The following PRRC2C variants were observed in gnomAD, a reference collection of about 807,000 sequenced individuals.
The protein encoded by PRRC2C is proline rich coiled-coil 2C, also known as protein PRRC2C.
A neutral mutation model predicts 317.2 loss-of-function variants in PRRC2C; 72 were observed. The ratio of observed to expected loss-of-function variants is 0.23; its 90% CI spans 0.19 to 0.28. The LOEUF (loss-of-function observed/expected upper bound fraction) is 0.28. Ranked by LOEUF, PRRC2C falls within the 10% of genes least tolerant of loss-of-function variation. The pLI, the probability that PRRC2C is intolerant of heterozygous loss-of-function variation, is 1.00. For missense variants in PRRC2C, 3,074 were observed against 3,459.7 expected (o/e 0.89, Z 2.80); for synonymous variants, 1,296 against 1,205.9 (o/e 1.07, Z -1.55).
At position 171,568,355 on chromosome 1, in the gene PRRC2C, G is replaced by C; in HGVS notation, c.6651+16G>C. The C allele has an allele frequency of 6.3e-7, 1 of 1,583,344 alleles. No homozygotes were observed. The highest frequency in any genetic ancestry group is 1.3e-5 in the African/African-American group (1 of 74,518). On this transcript the variant is annotated intron_variant, in intron 23 of 34. Coordinates refer to ENST00000647382, the MANE Select transcript of PRRC2C (RefSeq NM_001387844.1). ...GGTTAATAATGTAAGTAATCAGTTTGAGATGTGGCAAGTTTGGATTGGAAC... is the reference window on the plus strand; with the variant it reads ...GGTTAATAATGTAAGTAATCAGTTTCAGATGTGGCAAGTTTGGATTGGAAC...
At chr1:171,509,816 A>T in intron 1 of PRRC2C, 1 of 146,738 alleles carries the variant, frequency 6.8e-6, no homozygotes, top group South Asian at 2.2e-4. Flanking sequence ...TGGTTTCTCT[A>T]GAATCACATG....
rs1382861652 is a variant in PRRC2C, at chr1:171,541,805, G to T, written c.4339G>T (p.Ala1447Ser). The change falls in exon 16 of 35, where the codon GCT (alanine) becomes TCT (serine). Residue 1447 changes from alanine (A) to serine (S), a missense_variant. Physicochemically the swap from Ala to Ser is moderately conservative, Grantham distance 99. This residue lies in a region of PRRC2C where 1,320 missense variants were observed against 1,395.7 expected (regional missense o/e 0.95). Transcript: ENST00000647382. This position sits in a 1 kb window ranked among gnomAD's most constrained non-coding sequence, Gnocchi z 4.1. ...ATTTAGACGGCTAAGAGAGAGGGAG[G>T]CTGCTTCAAAATCAAATGAGGTGGT... ...PRFRRLREREAASKSNEVVAV... is the reference protein window; with the variant it reads ...PRFRRLRERESASKSNEVVAV... 3 of 1,613,924 alleles carry T rather than the reference G, an allele frequency of 1.9e-6. No homozygotes were observed. Among genetic ancestry groups the T allele is most frequent in the Non-Finnish European group, 2.5e-6 (3 of 1,179,876 alleles).
rs551223904 is a variant in PRRC2C at position 171,566,810 on chromosome 1, G to A, written c.6525G>A (p.Ser2175=). The change falls in exon 22 of 35, where the codon TCG becomes TCA. Residue 2175 remains serine (S), a synonymous_variant. Transcript: ENST00000647382. ...CTACTGAAATAGGAACAATGATCTCGGTATCATCTGCAGAATATGGTACTA... is the reference window on the plus strand; with the variant it reads ...CTACTGAAATAGGAACAATGATCTCAGTATCATCTGCAGAATATGGTACTA... The part of the protein sequence containing the change: ...EMSTEIGTMI[S]VSSAEYGTNA... 94 of 1,613,590 alleles carry A rather than the reference G, an allele frequency of 5.8e-5. No homozygotes were observed. The South Asian group carries it at 8.4e-4, about 14-fold the overall frequency.
chr1:171,568,471 G>GT, intron 23 of PRRC2C, 132 bp downstream of exon 23: 1 of 1,371,732 alleles, frequency 7.3e-7, no homozygotes. Flanking sequence ...GTAAATTTGT[G>GT]TTTAGGAGTA....
At chr1:171,486,349 T>C (rs1666101316) in intron 1 of PRRC2C, among the ~76,000 whole-genome samples, 1 of 151,926 alleles carries the variant, frequency 6.6e-6, no homozygotes, top group South Asian at 2.1e-4. Context: ...TGGGTAGTCT[T>C]TTCACACTCT....
At chr1:171,577,361 G>A in intron 25 of PRRC2C, 73 bp from the exon 26 acceptor site, 2 of 1,334,288 alleles carry the variant, frequency 1.5e-6, no homozygotes, top group African/African-American at 1.5e-5. Flanking sequence ...GCAGTTTCTG[G>A]TTGGTACTGT....
intron 28 of PRRC2C, among the ~76,000 whole-genome samples, chr1:171,582,117 T>C (rs1648754989): frequency 6.6e-6 from 1 of 152,212 alleles, no homozygotes; most frequent in African/African-American, 2.4e-5. Flanking sequence ...AGGCCATTTA[T>C]ATTAAAAATA....
intron 1 of PRRC2C, among the ~76,000 whole-genome samples, chr1:171,505,521 A>G (rs1670013339): frequency 6.6e-6 from 1 of 152,002 alleles, no homozygotes; most frequent in Non-Finnish European, 1.5e-5. Context: ...ATTACAGACA[A>G]TTTTACTTTA....
intron 25 of PRRC2C, among the ~76,000 whole-genome samples, chr1:171,576,693 G>T (rs560923711): frequency 2.0e-5 from 3 of 151,692 alleles, no homozygotes; most frequent in Admixed American, 1.3e-4. Flanking sequence ...GAGTTGTGTG[G>T]TTTTTTTTGT....
At chr1:171,522,874 T>C (rs1436898635) in intron 7 of PRRC2C, among the ~76,000 whole-genome samples, 2 of 151,670 alleles carry the variant, frequency 1.3e-5, no homozygotes, top group Non-Finnish European at 2.9e-5. Context: ...TTTCTTTTTT[T>C]TTTTTTGCTT....
chr1:171,516,894 A>G (rs987882873), intron 5 of PRRC2C, among the ~76,000 whole-genome samples: 3 of 152,170 alleles, frequency 2.0e-5, no homozygotes, highest in Admixed American at 2.0e-4. Flanking sequence ...TCCACCCAAG[A>G]CAGAAGCCCA....
In PRRC2C at chr1:171,514,585, C is replaced by A; in HGVS notation, c.340C>A (p.Pro114Thr). 1 of 1,561,352 alleles carries A rather than the reference C, an allele frequency of 6.4e-7. No homozygotes were observed. Among genetic ancestry groups the A allele is most frequent in the South Asian group, 1.2e-5 (1 of 84,512 alleles). Residue 114 changes from proline (P) to threonine (T), a missense_variant, in exon 4 of 35, where the codon CCA becomes ACA. Transcript: ENST00000647382. ...AQPKPGVAAP[P>T]EVAPAPKSWA... Reference sequence around the variant, plus strand: ...GCCAAAACCTGGGGTTGCAGCTCCCCCAGAAGTAGCACCTGCTCCCAAATC... The same window carrying A: ...GCCAAAACCTGGGGTTGCAGCTCCCACAGAAGTAGCACCTGCTCCCAAATC...
At position 171,587,015 on chromosome 1, in the gene PRRC2C, T is replaced by G. The variant is rs769602596; in HGVS notation, c.7762T>G (p.Leu2588Val). Residue 2588 changes from leucine (L) to valine (V), a missense_variant, in exon 31 of 35, where the codon TTA becomes GTA. Transcript: ENST00000647382. ...PSALQQVTVPLPASQLSLPNF... is the reference protein window; with the variant it reads ...PSALQQVTVPVPASQLSLPNF... ...ACTTATTTTCTAGGTTACAGTACCT[T>G]TACCAGCATCGCAGCTTTCCTTGCC... 21 of 1,604,572 alleles carry G rather than the reference T, an allele frequency of 1.3e-5. No individual in the cohort carries two copies. Among genetic ancestry groups the G allele is most frequent in the Non-Finnish European group, 1.4e-5 (17 of 1,174,504 alleles).
At chr1:171,528,316 T>G (rs554118647) in intron 11 of PRRC2C, among the ~76,000 whole-genome samples, 9 of 146,066 alleles carry the variant, frequency 6.2e-5, no homozygotes, top group Non-Finnish European at 1.2e-4. Context: ...TTAGACAGAG[T>G]CTAGCTCTGT....
intron 29 of PRRC2C, 40 bp downstream of exon 29, chr1:171,584,227 C>T (rs781449605): frequency 6.7e-7 from 1 of 1,495,436 alleles, no homozygotes. Flanking sequence ...TCATTGTATT[C>T]CTATGCCACA....
chr1:171,493,304 T>C (rs1226540687), intron 1 of PRRC2C, among the ~76,000 whole-genome samples: 1 of 152,178 alleles, frequency 6.6e-6, no homozygotes, highest in Admixed American at 6.5e-5. Flanking sequence ...TCTCTTTCAC[T>C]CTCATAACAT....
At chr1:171,518,026 C>T (rs756364287) in intron 6 of PRRC2C, among the ~76,000 whole-genome samples, 17 of 152,178 alleles carry the variant, frequency 1.1e-4, no homozygotes, top group South Asian at 2.1e-4. Flanking sequence ...ATCCGGGAAA[C>T]GTTACCACGC....
At chr1:171,586,136 C>G (rs1307624716) in intron 30 of PRRC2C, among the ~76,000 whole-genome samples, 1 of 131,458 alleles carries the variant, frequency 7.6e-6, no homozygotes, top group African/African-American at 2.9e-5. Context: ...GATCTTGGCT[C>G]ACTGCAACCT....
Position 171,577,129 on chromosome 1 carries a change from AATC to A in PRRC2C, c.6956-302_6956-300del, listed in dbSNP as rs1332906520. On this transcript the variant is annotated intron_variant, in intron 25 of 34. Coordinates refer to ENST00000647382, the MANE Select transcript of PRRC2C (RefSeq NM_001387844.1). ...TATTCTTTGTGATGATTAAAAAACAAATCATTTCTGGCTAAACTATAACAGTTA... is the reference window on the plus strand; with the variant it reads ...TATTCTTTGTGATGATTAAAAAACAAATTTCTGGCTAAACTATAACAGTTA... Among the ~76,000 whole-genome samples the A allele has an allele frequency of 3.3e-5, 5 of 152,198 alleles. 1 individual carries two copies. Among genetic ancestry groups the A allele is most frequent in the Admixed American group, 2.6e-4 (4 of 15,282 alleles).
Sources: gnomAD v4.1 joint callset for allele counts (sites outside exome capture counted in the v4.1 genomes callset) on GRCh38, gnomAD v4.1.1 for gene constraint, gnomAD v4.1.1 regional missense constraint, Gnocchi (gnomAD v3.1) non-coding constraint, MANE v1.5 for transcripts, NCBI Gene and HGNC (gene_info 2026-07-23, HGNC 2026-07-21) for gene names.